The following PCDHGA1 variants were observed in gnomAD, a reference collection of about 807,000 sequenced individuals.
PCDHGA1 encodes protocadherin gamma subfamily A, 1, also known as protocadherin gamma-A1.
PCDHGA1 carries 32 observed loss-of-function variants against 58.0 expected under a neutral mutation model. That is an observed-to-expected ratio of 0.55 (90% CI 0.42 to 0.74). The LOEUF (loss-of-function observed/expected upper bound fraction) is 0.74. Ranked by LOEUF, PCDHGA1 falls within the 30% of genes least tolerant of loss-of-function variation. PCDHGA1 has a pLI of 0.00. For missense variants in PCDHGA1, 1,205 were observed against 1,182.3 expected (o/e 1.02, Z -0.28); for synonymous variants, 498 against 501.1 (o/e 0.99, Z 0.08).
In PCDHGA1 at chr5:141,485,872, G is replaced by A; in HGVS notation, c.2422-8935G>A. ...CCGCAGAGCTCCGGGTATCCGTGCT[G>A]GACGTAAACGACAACGCCCCAGCCT... On this transcript the variant is annotated intron_variant, in intron 1 of 3. Transcript: ENST00000517417. The surrounding 1 kb of genome is among the most constrained non-coding windows in gnomAD (Gnocchi z 5.7). 1 of 1,614,170 alleles carries A rather than the reference G, an allele frequency of 6.2e-7. No homozygotes were observed. The highest frequency in any genetic ancestry group is 2.2e-5 in the East Asian group (1 of 44,876).
At chr5:141,341,419 C>A (rs369518437) in intron 1 of PCDHGA1, 3 of 1,613,014 alleles carry the variant, frequency 1.9e-6, no homozygotes, top group South Asian at 1.1e-5. Flanking sequence ...TCACAACATA[C>A]GTACTAGCTA....
At chr5:141,354,845 A>G (rs1204240079) in intron 1 of PCDHGA1, among the ~76,000 whole-genome samples, 2 of 152,228 alleles carry the variant, frequency 1.3e-5, no homozygotes, top group Non-Finnish European at 2.9e-5. Context: ...TCATTCTTGA[A>G]TTTTCATTGC....
intron 1 of PCDHGA1, among the ~76,000 whole-genome samples, chr5:141,468,273 C>T (rs894110332): frequency 1.4e-5 from 2 of 144,550 alleles, no homozygotes; most frequent in Non-Finnish European, 3.0e-5. Flanking sequence ...TGTGGTGAGC[C>T]GAGACCACGC....
In PCDHGA1 at chr5:141,477,200, C is replaced by A; in HGVS notation, c.2422-17607C>A. On this transcript the variant is annotated intron_variant, in intron 1 of 3. Transcript: ENST00000517417. The surrounding 1 kb of genome is among the most constrained non-coding windows in gnomAD (Gnocchi z 4.9). The stretch of plus-strand genomic sequence containing the variant: ...AGTCACCTCCGTGTACAGCCCAGTA[C>A]CCGAGGATGCCCCTCTGGGGACTGT... 6.2e-7 allele frequency: 1 copy of A among 1,614,206 alleles called. No homozygotes were observed. Among genetic ancestry groups the A allele is most frequent in the South Asian group, 1.1e-5 (1 of 91,088 alleles).
chr5:141,365,002 C>T (rs779500238), intron 1 of PCDHGA1: 3 of 1,613,918 alleles, frequency 1.9e-6, no homozygotes, highest in Non-Finnish European at 2.5e-6. Flanking sequence ...TACTCTCCGG[C>T]ACCACGCACA....
At chr5:141,395,138 C>G (rs147992300) in intron 1 of PCDHGA1, 3 of 1,614,204 alleles carry the variant, frequency 1.9e-6, no homozygotes, top group Non-Finnish European at 2.5e-6. Context: ...AGCCCAACTA[C>G]GCAGACATGC....
chr5:141,358,939 G>T (rs980584338), intron 1 of PCDHGA1, among the ~76,000 whole-genome samples: 1 of 152,226 alleles, frequency 6.6e-6, no homozygotes, highest in South Asian at 2.1e-4. Flanking sequence ...CAACACTTTT[G>T]TTCTTTGTGC....
chr5:141,399,460 G>A, intron 1 of PCDHGA1: 1 of 1,613,962 alleles, frequency 6.2e-7, no homozygotes, highest in Middle Eastern at 1.6e-4. Context: ...CAACGATAAC[G>A]CTCCGGTTTT....
chr5:141,351,069 T>C (rs774201056), intron 1 of PCDHGA1: 1 of 1,614,070 alleles, frequency 6.2e-7, no homozygotes, highest in Non-Finnish European at 8.5e-7. Flanking sequence ...GATGAGGGCA[T>C]TAATGCAGAG....
At chr5:141,400,234 G>T (rs749957043) in intron 1 of PCDHGA1, 6 of 1,613,868 alleles carry the variant, frequency 3.7e-6, no homozygotes, top group African/African-American at 1.3e-5. Context: ...CCTCCTGGCC[G>T]TGATTCTGGC....
rs148119281 is a variant in PCDHGA1, at chr5:141,511,006, C to T, written c.2629C>T (p.Arg877Cys). The T allele has an allele frequency of 3.5e-5, 56 of 1,614,078 alleles. No individual in the cohort carries two copies. Among genetic ancestry groups the T allele is most frequent in the African/African-American group, 5.3e-5 (4 of 74,922 alleles). The change falls in exon 4 of 4, where the codon CGC (arginine) becomes TGC (cysteine). Residue 877 changes from arginine to cysteine, a missense_variant. By Grantham distance (180) the Arg-to-Cys change is radical. Transcript: ENST00000517417. Reference protein sequence around the residue: ...GGAGTMGLSARYGPQFTLQHV... With the variant: ...GGAGTMGLSACYGPQFTLQHV... ...TGCCGGCACCATGGGATTGAGCGCC[C>T]GCTACGGACCCCAGTTCACCCTGCA...
chr5:141,368,141 G>T (rs1204786185), intron 1 of PCDHGA1, among the ~76,000 whole-genome samples: 1 of 151,994 alleles, frequency 6.6e-6, no homozygotes, highest in Non-Finnish European at 1.5e-5. Flanking sequence ...TTCAAATTTT[G>T]TACTTTTAAA....
At chr5:141,375,385 A>G in intron 1 of PCDHGA1, 3 of 1,614,012 alleles carry the variant, frequency 1.9e-6, no homozygotes, top group East Asian at 4.5e-5. Flanking sequence ...CTCTGTCTAC[A>G]GAAACAATCA....
intron 1 of PCDHGA1, among the ~76,000 whole-genome samples, chr5:141,436,522 C>T (rs933890051): frequency 3.9e-5 from 6 of 152,088 alleles, no homozygotes; most frequent in African/African-American, 1.4e-4. Context: ...ACTGTGTCAC[C>T]TTTAGCAAGT....
intron 1 of PCDHGA1, chr5:141,340,521 T>A (rs770018611): frequency 6.2e-7 from 1 of 1,614,260 alleles, no homozygotes; most frequent in South Asian, 1.1e-5. Context: ...CTCTATGCAC[T>A]GCGCTCCTTT....
Position 141,408,306 on chromosome 5 carries a change from A to C in PCDHGA1, c.2421+75201A>C, listed in dbSNP as rs866086431. On this transcript the variant is annotated intron_variant, in intron 1 of 3. Transcript: ENST00000517417. Reference sequence around the variant, plus strand: ...CCCACCCTGAGTGAGCCGATCCGCTACTCGATTCCGGAGGAGCTGGCCAAG... The same window carrying C: ...CCCACCCTGAGTGAGCCGATCCGCTCCTCGATTCCGGAGGAGCTGGCCAAG... The C allele has an allele frequency of 1.2e-6, 2 of 1,613,586 alleles. No homozygotes were observed. Among genetic ancestry groups the C allele is most frequent in the South Asian group, 1.1e-5 (1 of 91,062 alleles).
chr5:141,339,223 G>T (rs1409582247), intron 1 of PCDHGA1: 1 of 1,614,054 alleles, frequency 6.2e-7, no homozygotes, highest in Non-Finnish European at 8.5e-7. Flanking sequence ...GCGGCAGCTT[G>T]GTCACTGCGA....
intron 1 of PCDHGA1, among the ~76,000 whole-genome samples, chr5:141,454,062 A>T (rs548960162): frequency 6.6e-6 from 1 of 152,380 alleles, no homozygotes; most frequent in East Asian, 1.9e-4. Context: ...CAAAGAAACA[A>T]AAGTGATAAT....
intron 1 of PCDHGA1, among the ~76,000 whole-genome samples, chr5:141,448,422 T>C (rs1561930551): frequency 3.9e-5 from 6 of 152,150 alleles, no homozygotes; most frequent in Admixed American, 3.3e-4. Flanking sequence ...CAATATACTA[T>C]GTATATATTG....
Sources: allele counts gnomAD v4.1 joint callset (sites outside exome capture counted in the v4.1 genomes callset), GRCh38; gene constraint gnomAD v4.1.1; non-coding constraint Gnocchi (gnomAD v3.1); transcripts MANE v1.5; gene names NCBI Gene and HGNC (gene_info 2026-07-23, HGNC 2026-07-21).